The following AOAH variants were observed in gnomAD, a reference collection of about 807,000 sequenced individuals.
AOAH encodes the protein acyloxyacyl hydrolase.
AOAH carries 64 observed loss-of-function variants against 92.2 expected under a neutral mutation model. That is an observed-to-expected ratio of 0.69 (90% CI 0.57 to 0.86). The LOEUF (loss-of-function observed/expected upper bound fraction) is 0.86, where lower values mean the gene tolerates loss of function less well. AOAH is among the 40% of genes least tolerant of loss of function. The probability of loss-of-function intolerance (pLI) is 0.00; values close to 1 mark genes in which losing one functional copy is unlikely to be tolerated. For missense variants in AOAH, 656 were observed against 694.6 expected, an observed-to-expected ratio of 0.94 and a Z score of 0.62; for synonymous variants, 263 against 254.5, an observed-to-expected ratio of 1.03 and a Z score of -0.32.
At chr7:36,646,583 C>G (rs780815369) in intron 4 of AOAH, among the ~76,000 whole-genome samples, 2 of 152,202 alleles carry the variant, frequency 1.3e-5, no homozygotes, top group African/African-American at 4.8e-5. Flanking sequence ...GCTGCTGTAA[C>G]TAATGACCGT....
At chr7:36,610,915 GCGCCAAGA>G (rs1410135758) in intron 11 of AOAH, among the ~76,000 whole-genome samples, 1 of 152,204 alleles carries the variant, frequency 6.6e-6, no homozygotes, top group Non-Finnish European at 1.5e-5. Flanking sequence ...CTGAAGCTTG[GCGCCAAGA>G]CCAACATAGC....
intron 1 of AOAH, among the ~76,000 whole-genome samples, chr7:36,698,648 T>C (rs1797856353): frequency 6.6e-6 from 1 of 152,138 alleles, no homozygotes; most frequent in South Asian, 2.1e-4. Context: ...CAAACTATTT[T>C]CTAATTTTCA....
intron 13 of AOAH, among the ~76,000 whole-genome samples, chr7:36,555,123 G>A (rs1255903105): frequency 6.7e-6 from 1 of 149,034 alleles, no homozygotes; most frequent in Non-Finnish European, 1.5e-5. Context: ...CTGTGGGTTT[G>A]TCATAGATAG....
At chr7:36,577,214 A>G (rs1303472021) in intron 12 of AOAH, among the ~76,000 whole-genome samples, 1 of 152,130 alleles carries the variant, frequency 6.6e-6, no homozygotes, top group African/African-American at 2.4e-5. Context: ...GGAGTGGCAC[A>G]TCACTAAGTT....
At chr7:36,524,517 CA>C (rs1368635283) in intron 19 of AOAH, among the ~76,000 whole-genome samples, 1 of 128,560 alleles carries the variant, frequency 7.8e-6, no homozygotes, top group Admixed American at 7.7e-5. Flanking sequence ...AAAAAAAAAA[CA>C]AAAAAAAATT....
rs184973765 is a variant in AOAH, at chr7:36,525,988, G to A, written c.1523-3873C>T. On this transcript the variant is annotated intron_variant, in intron 19 of 20. Coordinates refer to ENST00000617537, the MANE Select transcript of AOAH (RefSeq NM_001637.4). Reference sequence around the variant, plus strand: ...CCAAGCTTTGCGGGGGAATAGGAGCGTACCCTAGGGTTGGGGGCAGTGGGA... The same window carrying A: ...CCAAGCTTTGCGGGGGAATAGGAGCATACCCTAGGGTTGGGGGCAGTGGGA... 1.7e-4 allele frequency among the ~76,000 whole-genome samples: 26 copies of A among 152,224 alleles called. No individual in the cohort carries two copies. The East Asian group carries it at 3.1e-3, about 18-fold the overall frequency.
chr7:36,576,960 C>T (rs1489829915), intron 12 of AOAH, among the ~76,000 whole-genome samples: 1 of 151,308 alleles, frequency 6.6e-6, no homozygotes, highest in Non-Finnish European at 1.5e-5. Flanking sequence ...AGCTGCTGTA[C>T]ATTTCTTGAG....
chr7:36,708,674 G>A lies in AOAH; in HGVS notation c.127+15348C>T, dbSNP rs1362845836. Among the ~76,000 whole-genome samples the A allele has an allele frequency of 2.6e-5, 4 of 152,234 alleles. No individual in the cohort carries two copies. The South Asian group carries it at 8.3e-4, about 32-fold the overall frequency. ...AATGCATTTAGCAACTTTGGATTTTGTCTTATTTTTCTAAGAGTTGTTGTC... is the reference window on the plus strand; with the variant it reads ...AATGCATTTAGCAACTTTGGATTTTATCTTATTTTTCTAAGAGTTGTTGTC... On this transcript the variant is annotated intron_variant, in intron 1 of 20. Transcript: ENST00000617537.
At chr7:36,520,708 GAAA>G (rs34390772) in intron 20 of AOAH, among the ~76,000 whole-genome samples, 52,996 of 134,888 alleles carry the variant, frequency 0.39, 9,719 homozygotes, top group Middle Eastern at 0.47. Flanking sequence ...TCTGTCTCGA[GAAA>G]AAAAAAAAAA....
chr7:36,668,678 G>A (rs181176288), intron 3 of AOAH, among the ~76,000 whole-genome samples: 2 of 152,270 alleles, frequency 1.3e-5, no homozygotes, highest in East Asian at 1.9e-4. Flanking sequence ...GTAGAGACGG[G>A]GTTTCACTAT....
intron 12 of AOAH, among the ~76,000 whole-genome samples, chr7:36,592,634 C>T (rs1215128893): frequency 2.0e-5 from 3 of 152,218 alleles, no homozygotes; most frequent in Non-Finnish European, 4.4e-5. Context: ...GACCCTACCA[C>T]TCTTGGCTGG....
intron 3 of AOAH, among the ~76,000 whole-genome samples, chr7:36,667,378 C>A (rs1295876590): frequency 6.6e-6 from 1 of 152,174 alleles, no homozygotes; most frequent in Admixed American, 6.5e-5. Flanking sequence ...TTGATTGTCA[C>A]CATCTCACAG....
At chr7:36,547,005 C>G (rs575641724) in intron 15 of AOAH, among the ~76,000 whole-genome samples, 2 of 152,184 alleles carry the variant, frequency 1.3e-5, no homozygotes, top group African/African-American at 4.8e-5. Flanking sequence ...GGTTAGATAA[C>G]CTGGTTTGGC....
chr7:36,685,302 A>G (rs772138841), intron 2 of AOAH, among the ~76,000 whole-genome samples: 29 of 152,348 alleles, frequency 1.9e-4, no homozygotes, highest in Non-Finnish European at 3.2e-4. Context: ...ATATCTAGGG[A>G]TGCTCACTGA....
At chr7:36,586,274 A>G (rs1789316291) in intron 12 of AOAH, among the ~76,000 whole-genome samples, 1 of 152,144 alleles carries the variant, frequency 6.6e-6, no homozygotes, top group African/African-American at 2.4e-5. Context: ...ATGCTCACCC[A>G]AGCTGATGTC....
intron 6 of AOAH, among the ~76,000 whole-genome samples, chr7:36,631,618 C>T (rs1012383455): frequency 1.3e-5 from 2 of 152,194 alleles, no homozygotes; most frequent in African/African-American, 4.8e-5. Flanking sequence ...TGTGAAAACA[C>T]AGTCCCTGTC....
intron 19 of AOAH, among the ~76,000 whole-genome samples, chr7:36,526,193 A>G (rs116913861): frequency 0.018 from 2,730 of 152,322 alleles, 37 homozygotes; most frequent in Non-Finnish European, 0.027. Context: ...AAATAATACA[A>G]TAGGTGTTAA....
At chr7:36,582,561 T>C (rs10268278) in intron 12 of AOAH, among the ~76,000 whole-genome samples, 66,922 of 152,088 alleles carry the variant, frequency 0.44, 14,953 homozygotes, top group Admixed American at 0.52. Context: ...AAATCACTTT[T>C]TCTGAGAGCT....
In AOAH at chr7:36,575,679, A is replaced by G. The variant is rs115474535; in HGVS notation, c.1021+895T>C. 7.2e-3 allele frequency among the ~76,000 whole-genome samples: 1,099 copies of G among 152,324 alleles called. 12 individuals are homozygous for G. Among genetic ancestry groups the G allele is most frequent in the African/African-American group, 0.025 (1,054 of 41,574 alleles). ...AGCAATTATTTTATTAGTAAAAAAA[A>G]TCTATATTGTTCTTAGAAGAGGAGA... On this transcript the variant is annotated intron_variant, in intron 13 of 20. Transcript: ENST00000617537.
Sources: gnomAD v4.1 joint callset for allele counts (sites outside exome capture counted in the v4.1 genomes callset) on GRCh38, gnomAD v4.1.1 for gene constraint, MANE v1.5 for transcripts, NCBI Gene and HGNC (gene_info 2026-07-23, HGNC 2026-07-21) for gene names.